RABGEF1: variants seen among roughly 807,000 people sequenced by gnomAD.
RABGEF1 encodes the protein RAB guanine nucleotide exchange factor 1.
RABGEF1 carries 26 observed loss-of-function variants against 57.3 expected under a neutral mutation model. That is an observed-to-expected ratio of 0.45 (90% CI 0.33 to 0.63). The LOEUF (loss-of-function observed/expected upper bound fraction) is 0.63. Ranked by LOEUF, RABGEF1 falls within the 20% of genes least tolerant of loss-of-function variation. The probability of loss-of-function intolerance (pLI) is 0.02; values close to 1 mark genes in which losing one functional copy is unlikely to be tolerated. For missense variants in RABGEF1, 464 were observed against 607.6 expected, an observed-to-expected ratio of 0.76 and a Z score of 2.48; for synonymous variants, 185 against 210.7, an observed-to-expected ratio of 0.88 and a Z score of 1.06.
At chr7:66,768,425 C>T (rs1037639114) in intron 1 of RABGEF1, among the ~76,000 whole-genome samples, 16 of 152,164 alleles carry the variant, frequency 1.1e-4, no homozygotes, top group East Asian at 1.9e-4. Flanking sequence ...GTTCTTTATA[C>T]ATTCTGGGTA....
At position 66,808,877 on chromosome 7, in the gene RABGEF1, T is replaced by C. The variant is rs375372939; in HGVS notation, c.1078-9T>C. On this transcript the variant is annotated splice_polypyrimidine_tract_variant and intron_variant, in intron 8 of 8. Coordinates refer to ENST00000284957, the MANE Select transcript of RABGEF1 (RefSeq NM_014504.3). ...CTAATATGACTGTATTAACGTCCTC[T>C]TCTTGTAGTGCTGTGCTGTGGCTTT... The C allele has an allele frequency of 4.5e-6, 7 of 1,558,964 alleles. No homozygotes were observed. The highest frequency in any genetic ancestry group is 3.5e-5 in the South Asian group (3 of 86,890).
Position 66,809,206 on chromosome 7 carries a change from G to A in RABGEF1, c.1398G>A (p.Pro466=), listed in dbSNP as rs374289224. ...TGGAAATTAAGCCTCCGAATCAACCGTTAGCAGCTATTGACTCTGAAAACG... is the reference window on the plus strand; with the variant it reads ...TGGAAATTAAGCCTCCGAATCAACCATTAGCAGCTATTGACTCTGAAAACG... The part of the protein sequence containing the change: ...YPLEIKPPNQ[P]LAAIDSENVE... The change falls in exon 9 of 9, where the codon CCG becomes CCA. Residue 466 remains proline (P), a synonymous_variant. Coordinates refer to ENST00000284957, the MANE Select transcript of RABGEF1 (RefSeq NM_014504.3). 1.6e-5 allele frequency: 26 copies of A among 1,614,130 alleles called. No homozygotes were observed. The highest frequency in any genetic ancestry group is 1.6e-4 in the Middle Eastern group (1 of 6,062).
At chr7:66,700,920 C>A (rs1416197501) in intron 1 of RABGEF1, among the ~76,000 whole-genome samples, 1 of 152,208 alleles carries the variant, frequency 6.6e-6, no homozygotes, top group Non-Finnish European at 1.5e-5. Flanking sequence ...GAGGCCCCTC[C>A]CTGGGTTTGC....
intron 1 of RABGEF1, among the ~76,000 whole-genome samples, chr7:66,765,971 A>G (rs2129096437): frequency 6.6e-6 from 1 of 152,320 alleles, no homozygotes; most frequent in Admixed American, 6.5e-5. Flanking sequence ...AAAAAACTTA[A>G]TTGATCTATA....
chr7:66,666,478 G>A, the RABGEF1 span, among the ~76,000 whole-genome samples: 14 of 152,188 alleles, frequency 9.2e-5, no homozygotes, highest in Admixed American at 9.2e-4. Flanking sequence ...TGAGCCAGGC[G>A]GGCCCTAGGG....
At position 66,706,948 on chromosome 7, in the gene RABGEF1, A is replaced by G. The variant is rs1231141569; in HGVS notation, c.-872-5219A>G. The stretch of plus-strand genomic sequence containing the variant: ...AGGCGCCCACGACCACGCCTGGCTA[A>G]TTTTTTTTTGGTATTTTTAGTAGAG... On this transcript the variant is annotated intron_variant and NMD_transcript_variant, in intron 1 of 9. Coordinates refer to the RABGEF1 transcript ENST00000607882. Among the ~76,000 whole-genome samples, 3 of 146,574 alleles carry G rather than the reference A, an allele frequency of 2.0e-5. 1 individual carries two copies. Among genetic ancestry groups the G allele is most frequent in the Middle Eastern group, 7.1e-3 (2 of 280 alleles).
intron 2 of RABGEF1, chr7:66,773,802 A>T (rs980815982): frequency 1.8e-5 from 8 of 443,076 alleles, no homozygotes; most frequent in Non-Finnish European, 3.2e-5. Context: ...AGTAGCTAGG[A>T]CTACAGAAGT....
At chr7:66,686,608 T>C (rs1353740115) in intron 1 of RABGEF1, among the ~76,000 whole-genome samples, 2 of 152,030 alleles carry the variant, frequency 1.3e-5, no homozygotes, top group African/African-American at 2.4e-5. Flanking sequence ...ACTGTTGTTA[T>C]AATACGTAAA....
rs1346129395 is a variant in RABGEF1, at chr7:66,797,363, G to A, written c.596-11G>A. On this transcript the variant is annotated splice_polypyrimidine_tract_variant and intron_variant, in intron 5 of 8. Transcript: ENST00000284957. ...ATATATCTTGATCTTTTCTCTGTCT[G>A]GTTATTTCAGTGCCTCCAGAAAGAG... 8 of 1,597,878 alleles carry A rather than the reference G, an allele frequency of 5.0e-6. No individual in the cohort carries two copies. The highest frequency in any genetic ancestry group is 5.1e-6 in the Non-Finnish European group (6 of 1,174,376).
At chr7:66,796,498 G>C (rs1329548794) in intron 5 of RABGEF1, among the ~76,000 whole-genome samples, 13 of 152,216 alleles carry the variant, frequency 8.5e-5, no homozygotes, top group Admixed American at 3.9e-4. Context: ...ATTTGGCAGG[G>C]TGTACACTGT....
At chr7:66,786,270 A>G (rs1457220059) in intron 4 of RABGEF1, among the ~76,000 whole-genome samples, 2 of 152,056 alleles carry the variant, frequency 1.3e-5, no homozygotes, top group African/African-American at 4.8e-5. Flanking sequence ...TTATCAAGAA[A>G]CACCTTGTCT....
intron 1 of RABGEF1, among the ~76,000 whole-genome samples, chr7:66,744,963 C>A (rs186501912): frequency 6.6e-6 from 1 of 152,002 alleles, no homozygotes; most frequent in African/African-American, 2.4e-5. Context: ...GAAGCTGAGG[C>A]GGGTGGATCA....
the RABGEF1 span, among the ~76,000 whole-genome samples, chr7:66,662,481 C>T: frequency 6.6e-6 from 1 of 152,190 alleles, no homozygotes; most frequent in Non-Finnish European, 1.5e-5. Flanking sequence ...GAAACTTCTA[C>T]CTGTCCCATG....
upstream of RABGEF1, among the ~76,000 whole-genome samples, chr7:66,678,823 A>T (rs572678042): frequency 6.6e-5 from 10 of 152,326 alleles, no homozygotes; most frequent in South Asian, 2.1e-3. Context: ...ACACACCTAG[A>T]TTAACAGTCA....
Position 66,793,799 on chromosome 7 carries a change from TGTCCTG to T in RABGEF1, c.514-1711_514-1706del, listed in dbSNP as rs1253257752. 2.8e-4 allele frequency among the ~76,000 whole-genome samples: 42 copies of T among 152,306 alleles called. No homozygotes were observed. The East Asian group carries it at 6.9e-3, about 25-fold the overall frequency. ...TGAGGTGACTGCTCCTGACCCCAAG[TGTCCTG>T]CCATCCTTTTAGAGTTAAGCCAGAT... On this transcript the variant is annotated intron_variant, in intron 4 of 8. Coordinates refer to ENST00000284957, the MANE Select transcript of RABGEF1 (RefSeq NM_014504.3).
chr7:66,787,545 C>T (rs895268357), intron 4 of RABGEF1, among the ~76,000 whole-genome samples: 5 of 151,474 alleles, frequency 3.3e-5, no homozygotes, highest in African/African-American at 1.2e-4. Context: ...GGGTGTTACT[C>T]TGTTAGCCAG....
chr7:66,721,363 A>T (rs1471895331), intron 2 of RABGEF1, among the ~76,000 whole-genome samples: 1 of 152,230 alleles, frequency 6.6e-6, no homozygotes, highest in East Asian at 1.9e-4. Context: ...ACAGTCCTGG[A>T]AGTCAGAAGT....
At chr7:66,666,670 G>A in the RABGEF1 span, among the ~76,000 whole-genome samples, 4 of 152,214 alleles carry the variant, frequency 2.6e-5, no homozygotes, top group East Asian at 1.9e-4. Context: ...CACAGCCGGC[G>A]GGTGGAGCCC....
At chr7:66,687,566 C>T (rs1790880921) in intron 1 of RABGEF1, among the ~76,000 whole-genome samples, 2 of 151,512 alleles carry the variant, frequency 1.3e-5, no homozygotes, top group African/African-American at 2.4e-5. Context: ...GCAGTCCAAG[C>T]TACTCAGGCA....
Sources: allele counts gnomAD v4.1 joint callset (sites outside exome capture counted in the v4.1 genomes callset), GRCh38; gene constraint gnomAD v4.1.1; transcripts MANE v1.5; gene names NCBI Gene and HGNC (gene_info 2026-07-23, HGNC 2026-07-21).